ARMC9: variants seen among roughly 807,000 people sequenced by gnomAD.
ARMC9 encodes lisH domain-containing protein ARMC9.
ARMC9 carries 94 observed loss-of-function variants against 107.0 expected under a neutral mutation model. The ratio of observed to expected loss-of-function variants is 0.88; its 90% CI spans 0.74 to 1.04. The LOEUF is 1.04. Ranked by LOEUF, ARMC9 falls within the 50% of genes least tolerant of loss-of-function variation. The pLI is 0.00. For synonymous variants in ARMC9, 380 were observed against 396.9 expected (o/e 0.96, Z 0.51); for missense variants, 942 against 1,030.1 (o/e 0.91, Z 1.17).
Position 231,234,948 on chromosome 2 carries a change from G to GAA in ARMC9, c.623-276_623-275insAA, listed in dbSNP as rs199948232. 6.6e-3 allele frequency among the ~76,000 whole-genome samples: 1,010 copies of GAA among 152,338 alleles called. 12 individuals carry two copies. Among genetic ancestry groups the GAA allele is most frequent in the African/African-American group, 0.023 (953 of 41,570 alleles). On this transcript the variant is annotated intron_variant, in intron 7 of 24. Transcript: ENST00000611582. ...AGACCTAGAAGAACTAAAAGAAATTGCATGAGGTTCAGTCAAGGGAATAGA... is the reference window on the plus strand; with the variant it reads ...AGACCTAGAAGAACTAAAAGAAATTGAACATGAGGTTCAGTCAAGGGAATAGA...
At chr2:231,270,488 G>C in intron 12 of ARMC9, 1 of 383,012 alleles carries the variant, frequency 2.6e-6, no homozygotes, top group Admixed American at 3.4e-5. Context: ...TTGCTGCCTT[G>C]AGATTTGGCC....
chr2:231,268,546 C>A (rs2039044044), intron 12 of ARMC9, among the ~76,000 whole-genome samples: 2 of 151,986 alleles, frequency 1.3e-5, no homozygotes, highest in Non-Finnish European at 2.9e-5. Context: ...TCCAGTGTCC[C>A]ATATTATCTT....
rs556662654 is a variant in ARMC9, at chr2:231,198,981, G to A, written c.-42+283G>A. On this transcript the variant is annotated intron_variant, in intron 1 of 24. Transcript: ENST00000611582. ...ATCTTTGCTGCAGTGGGCCATACTT[G>A]GAGGGGGTCCCTCAAGCCATCCAGC... The A allele has an allele frequency of 2.6e-5, 4 of 152,366 alleles. No homozygotes were observed. In the East Asian group the frequency reaches 7.7e-4, roughly 29 times the overall value. The allele number at this position is 152,366 out of a possible 1,614,324, so 9.4% of individuals were successfully genotyped here.
At chr2:231,227,448 G>A (rs150534060) in intron 7 of ARMC9, among the ~76,000 whole-genome samples, 1 of 152,322 alleles carries the variant, frequency 6.6e-6, no homozygotes, top group African/African-American at 2.4e-5. Flanking sequence ...GGCCTGTGAT[G>A]CATGTCATCC....
intron 21 of ARMC9, among the ~76,000 whole-genome samples, chr2:231,353,352 A>T (rs1282735329): frequency 8.2e-6 from 1 of 122,528 alleles, no homozygotes; most frequent in Non-Finnish European, 1.5e-5. Flanking sequence ...ACGCCCGGCT[A>T]TTTTTTTGTA....
intron 1 of ARMC9, among the ~76,000 whole-genome samples, chr2:231,205,874 C>T (rs1323982511): frequency 6.6e-6 from 1 of 152,198 alleles, no homozygotes; most frequent in Non-Finnish European, 1.5e-5. Context: ...TTAAAGCCTG[C>T]AGTGGCTGTT....
chr2:231,229,669 G>A (rs1486759777), intron 7 of ARMC9, among the ~76,000 whole-genome samples: 1 of 152,184 alleles, frequency 6.6e-6, no homozygotes, highest in African/African-American at 2.4e-5. Context: ...ATATTCATAA[G>A]TTACATTATA....
At chr2:231,212,099 C>A (rs888176946) in intron 3 of ARMC9, among the ~76,000 whole-genome samples, 6 of 152,288 alleles carry the variant, frequency 3.9e-5, no homozygotes, top group Admixed American at 3.3e-4. Flanking sequence ...TAGTGAGTTT[C>A]CCCAAGCAGT....
chr2:231,200,704 G>A (rs369924723), intron 1 of ARMC9, among the ~76,000 whole-genome samples: 3 of 151,846 alleles, frequency 2.0e-5, no homozygotes, highest in African/African-American at 4.8e-5. Context: ...GCGTCATGGC[G>A]CATGCCTATA....
intron 3 of ARMC9, among the ~76,000 whole-genome samples, chr2:231,211,137 T>TACAC (rs757246857): frequency 1.3e-4 from 19 of 147,356 alleles, no homozygotes; most frequent in South Asian, 1.1e-3. Flanking sequence ...CACAAACACA[T>TACAC]ACACACACAC....
Position 231,371,782 on chromosome 2 carries a change from G to A in ARMC9, c.*247G>A, listed in dbSNP as rs1274765263. 11 of 391,316 alleles carry A rather than the reference G, an allele frequency of 2.8e-5. No homozygotes were observed. The highest frequency in any genetic ancestry group is 4.9e-5 in the Non-Finnish European group (11 of 222,910). The allele number at this position is 391,316 out of a possible 1,614,324, so 24.2% of individuals were successfully genotyped here. A position where few individuals can be genotyped will look rare whatever the true frequency, so the allele number is the denominator to read the frequency against. On this transcript the variant is annotated 3_prime_UTR_variant, in exon 25 of 25. Transcript: ENST00000611582. The stretch of plus-strand genomic sequence containing the variant: ...GAGCCTGGCATTGCCCTCCTGGAGA[G>A]GGGAATTTCCTGCTCACCCTTCACA...
intron 20 of ARMC9, among the ~76,000 whole-genome samples, chr2:231,333,892 G>T (rs1454475662): frequency 1.3e-5 from 2 of 152,252 alleles, no homozygotes; most frequent in African/African-American, 4.8e-5. Context: ...AATGCCATGG[G>T]GGAGGATCTT....
At chr2:231,223,726 T>G (rs2034370532) in intron 6 of ARMC9, among the ~76,000 whole-genome samples, 1 of 152,240 alleles carries the variant, frequency 6.6e-6, no homozygotes, top group Non-Finnish European at 1.5e-5. Context: ...TTGAGCTTCC[T>G]AAGCCTTCCC....
At position 231,341,625 on chromosome 2, in the gene ARMC9, TGATAGATAGATAGATGATAGATAGATA is replaced by T. The variant is rs1368610432; in HGVS notation, c.1879-3334_1879-3308del. 3.6e-3 allele frequency among the ~76,000 whole-genome samples: 516 copies of T among 142,458 alleles called. 4 individuals carry two copies. The highest frequency in any genetic ancestry group is 0.012 in the African/African-American group (454 of 39,328). The allele number at this position is 142,458 out of a possible 152,430, so 93.5% of individuals were successfully genotyped here. On this transcript the variant is annotated intron_variant, in intron 20 of 24. Coordinates refer to ENST00000611582, the MANE Select transcript of ARMC9 (RefSeq NM_001352754.2). ...GTGTACAGAGATATAGATGATTGAT[TGATAGATAGATAGATGATAGATAGATA>T]GATAGATAGATAGATAGATAGATAG...
At chr2:231,239,227 A>T (rs1411646929) in intron 8 of ARMC9, among the ~76,000 whole-genome samples, 2 of 152,158 alleles carry the variant, frequency 1.3e-5, no homozygotes, top group Non-Finnish European at 2.9e-5. Flanking sequence ...TTAAAAAGAA[A>T]ATAGATGAAA....
At chr2:231,220,611 A>AG (rs1441582064) in intron 5 of ARMC9, among the ~76,000 whole-genome samples, 1 of 151,734 alleles carries the variant, frequency 6.6e-6, no homozygotes, top group African/African-American at 2.4e-5. Context: ...AAAAAAAAAA[A>AG]AAAAAAAAAT....
intron 17 of ARMC9, among the ~76,000 whole-genome samples, chr2:231,286,988 G>A (rs1337893507): frequency 6.6e-6 from 1 of 152,180 alleles, no homozygotes; most frequent in Non-Finnish European, 1.5e-5. Context: ...CTGCGACTAG[G>A]GCTGGAGTCA....
chr2:231,360,739 TCTC>T lies in ARMC9; in HGVS notation c.2132-7_2132-5del, dbSNP rs2045537100. 3.3e-6 allele frequency: 5 copies of T among 1,536,022 alleles called. No individual in the cohort carries two copies. The highest frequency in any genetic ancestry group is 4.4e-6 in the Non-Finnish European group (5 of 1,146,870). ...CAGAGCAGATGTGGACTGAACTTTC[TCTC>T]CTCCTCCCCAGCAGCCATCATCGCC... On this transcript the variant is annotated splice_polypyrimidine_tract_variant and intron_variant, in intron 22 of 24. Transcript: ENST00000611582. The surrounding 1 kb of genome is among the most constrained non-coding windows in gnomAD (Gnocchi z 4.7).
rs1559494191 is a variant in ARMC9, at chr2:231,347,500, G to A, written c.1994+2410G>A. Among the ~76,000 whole-genome samples, 3 of 136,318 alleles carry A rather than the reference G, an allele frequency of 2.2e-5. 1 individual carries two copies. Among genetic ancestry groups the A allele is most frequent in the South Asian group, 4.2e-4 (2 of 4,810 alleles). 89.4% of individuals were successfully genotyped at this position (136,318 alleles called of 152,430 possible). ...TACACGATGCTGATGTGCAAAATTT[G>A]TAGTTCTGTCCTTTGCATCTCGAGC... On this transcript the variant is annotated intron_variant, in intron 21 of 24. Coordinates refer to ENST00000611582, the MANE Select transcript of ARMC9 (RefSeq NM_001352754.2).
Sources: allele counts gnomAD v4.1 joint callset (sites outside exome capture counted in the v4.1 genomes callset), GRCh38; gene constraint gnomAD v4.1.1; non-coding constraint Gnocchi (gnomAD v3.1); transcripts MANE v1.5; gene names NCBI Gene and HGNC (gene_info 2026-07-23, HGNC 2026-07-21).